LIN28B: variants seen among roughly 807,000 people sequenced by gnomAD.
LIN28B encodes lin-28 RNA binding posttranscriptional regulator B.
LIN28B carries 5 observed loss-of-function variants against 21.9 expected under a neutral mutation model. The observed-to-expected ratio is 0.23, with a 90% CI of 0.12 to 0.48. The LOEUF (loss-of-function observed/expected upper bound fraction) is 0.48, where lower values mean the gene tolerates loss of function less well. LIN28B is among the 20% of genes least tolerant of loss of function. The pLI, the probability that LIN28B is intolerant of heterozygous loss-of-function variation, is 0.98. For missense variants in LIN28B, 245 were observed against 310.5 expected, an observed-to-expected ratio of 0.79 and a Z score of 1.58; for synonymous variants, 109 against 111.3, an observed-to-expected ratio of 0.98 and a Z score of 0.13.
intron 2 of LIN28B, among the ~76,000 whole-genome samples, chr6:104,946,763 A>G (rs1224120423): frequency 6.6e-6 from 1 of 152,214 alleles, no homozygotes; most frequent in Non-Finnish European, 1.5e-5. Flanking sequence ...GACACATACT[A>G]TAGATTAATT....
At chr6:105,039,803 T>A (rs1771596536) in intron 3 of LIN28B, among the ~76,000 whole-genome samples, 1 of 152,162 alleles carries the variant, frequency 6.6e-6, no homozygotes, top group Non-Finnish European at 1.5e-5. Context: ...TTCTTCAGTT[T>A]TAACTGGTTC....
chr6:105,064,732 T>TC (rs1772187676), intron 3 of LIN28B, among the ~76,000 whole-genome samples: 1 of 152,142 alleles, frequency 6.6e-6, no homozygotes, highest in African/African-American at 2.4e-5. Flanking sequence ...ACCACACCAG[T>TC]CAGGGTATCA....
chr6:105,070,494 C>G (rs1382494205), intron 3 of LIN28B, among the ~76,000 whole-genome samples: 1 of 151,832 alleles, frequency 6.6e-6, no homozygotes, highest in Non-Finnish European at 1.5e-5. Flanking sequence ...GCCTGTAATC[C>G]TAGCACATTG....
chr6:104,957,041 A>G, upstream of LIN28B: 2 of 1,417,078 alleles, frequency 1.4e-6, no homozygotes, highest in Non-Finnish European at 1.8e-6. Flanking sequence ...GTAGCAAGAA[A>G]GCATGTAATT....
At chr6:104,953,688 G>C (rs1778249127), upstream of LIN28B, among the ~76,000 whole-genome samples, 1 of 152,110 alleles carries the variant, frequency 6.6e-6, no homozygotes, top group Admixed American at 6.5e-5. Flanking sequence ...GGAAAGCGCA[G>C]ATCTGCTGGC....
At chr6:105,064,472 C>G (rs891464602) in intron 3 of LIN28B, among the ~76,000 whole-genome samples, 4 of 152,114 alleles carry the variant, frequency 2.6e-5, no homozygotes, top group South Asian at 2.1e-4. Context: ...TAAAATAACC[C>G]TCTTAGAATC....
intron 2 of LIN28B, among the ~76,000 whole-genome samples, chr6:104,963,308 A>C (rs558736731): frequency 3.9e-5 from 6 of 152,158 alleles, no homozygotes; most frequent in Non-Finnish European, 8.8e-5. Context: ...GGCCTCCCAA[A>C]GTGCTGGGAT....
At position 105,078,638 on chromosome 6, in the gene LIN28B, C is replaced by T; in HGVS notation, c.608C>T (p.Ser203Leu). ...GTGGGAGGCGGGCATGGCTGTACAT[C>T]ACCACCGTTTCCTCAGGAGGCTAGG... Reference protein sequence around the residue: ...REVGGGHGCTSPPFPQEARAE... With the variant: ...REVGGGHGCTLPPFPQEARAE... Residue 203 changes from serine (S) to leucine (L), a missense_variant, in exon 4 of 4, where the codon TCA (serine) becomes TTA (leucine). Transcript: ENST00000345080. The T allele has an allele frequency of 1.2e-6, 2 of 1,614,052 alleles. No individual in the cohort carries two copies. Among genetic ancestry groups the T allele is most frequent in the East Asian group, 2.2e-5 (1 of 44,894 alleles).
At chr6:105,015,841 T>G (rs1295543559) in intron 2 of LIN28B, among the ~76,000 whole-genome samples, 5 of 152,154 alleles carry the variant, frequency 3.3e-5, no homozygotes, top group Non-Finnish European at 5.9e-5. Context: ...AAATATTCAG[T>G]ATATTTGTGT....
chr6:104,941,091 C>CGA, intron 2 of LIN28B: 1 of 152,162 alleles, frequency 6.6e-6, no homozygotes, highest in Non-Finnish European at 1.5e-5. Flanking sequence ...CTCGCGGTCC[C>CGA]GAGTCTGGCA....
chr6:104,954,156 C>T (rs562572315), upstream of LIN28B, among the ~76,000 whole-genome samples: 25 of 152,114 alleles, frequency 1.6e-4, no homozygotes, highest in South Asian at 5.2e-3. Flanking sequence ...TTGGCTTTTG[C>T]AGGAATAAAA....
At chr6:105,037,257 G>T (rs1391358616) in intron 3 of LIN28B, among the ~76,000 whole-genome samples, 1 of 152,016 alleles carries the variant, frequency 6.6e-6, no homozygotes, top group Non-Finnish European at 1.5e-5. Context: ...CCAAACCCCA[G>T]TAACAATCTA....
chr6:105,026,170 C>A, intron 2 of LIN28B, 128 bp from the exon 3 acceptor site: 1 of 504,124 alleles, frequency 2.0e-6, no homozygotes, highest in Non-Finnish European at 3.3e-6. Flanking sequence ...TTTCACTGAA[C>A]TTAAGACTTT....
rs575011745 is a variant in LIN28B at position 104,994,770 on chromosome 6, G to GAC, written c.199-31526_199-31525dup. ...GGCAAAGGATGAGAGGACGGTGTGA[G>GAC]ACAGTTGGTTGAAGAGGTAAGAGGG... is the stretch of plus-strand genomic sequence containing the variant. On this transcript the variant is annotated intron_variant, in intron 2 of 3. Transcript: ENST00000345080. Among the ~76,000 whole-genome samples the GAC allele has an allele frequency of 1.9e-3, 289 of 152,340 alleles. 2 individuals carry two copies. The highest frequency in any genetic ancestry group is 4.2e-3 in the Admixed American group (65 of 15,302).
rs1216199368 is a variant in LIN28B, at chr6:105,082,380, TA to T, written c.*3599del. 6.6e-6 allele frequency: 1 copy of T among 152,650 alleles called. No homozygotes were observed. The highest frequency in any genetic ancestry group is 1.5e-5 in the Non-Finnish European group (1 of 68,046). 9.5% of individuals were successfully genotyped at this position (152,650 alleles called of 1,614,324 possible). On this transcript the variant is annotated 3_prime_UTR_variant, in exon 4 of 4. Transcript: ENST00000345080. ...TATTTAGTTTGTGAATAGGAGCCCA[TA>T]AGTGTTAATAGACTTTGTAACATTC... is the stretch of plus-strand genomic sequence containing the variant.
Position 105,068,560 on chromosome 6 carries a change from G to A in LIN28B, c.384-9854G>A, listed in dbSNP as rs936834975. ...TTACTTTGGTTCCATGAGACCACAG[G>A]CTGATCCCTGCTTGTTACGCTGAAT... is the stretch of plus-strand genomic sequence containing the variant. On this transcript the variant is annotated intron_variant, in intron 3 of 3. Transcript: ENST00000345080. Among the ~76,000 whole-genome samples, 7 of 152,136 alleles carry A rather than the reference G, an allele frequency of 4.6e-5. 1 individual carries two copies. The highest frequency in any genetic ancestry group is 4.6e-4 in the Admixed American group (7 of 15,280).
intron 3 of LIN28B, among the ~76,000 whole-genome samples, chr6:105,030,813 C>T (rs1234557874): frequency 1.3e-5 from 2 of 151,940 alleles, no homozygotes; most frequent in Non-Finnish European, 2.9e-5. Flanking sequence ...CCAGGCTGGT[C>T]TCGAATCCTG....
intron 2 of LIN28B, among the ~76,000 whole-genome samples, chr6:104,992,000 G>A (rs908465649): frequency 6.8e-6 from 1 of 147,986 alleles, no homozygotes; most frequent in Admixed American, 6.8e-5. Context: ...GGAGACCGTG[G>A]AAAGAGGGAG....
chr6:105,060,418 C>T (rs1772103837), intron 3 of LIN28B, among the ~76,000 whole-genome samples: 1 of 152,150 alleles, frequency 6.6e-6, no homozygotes, highest in Admixed American at 6.5e-5. Flanking sequence ...GAGTGAGCCA[C>T]TGTGCTTGAC....
Sources: allele counts gnomAD v4.1 joint callset (sites outside exome capture counted in the v4.1 genomes callset), GRCh38; gene constraint gnomAD v4.1.1; transcripts MANE v1.5; gene names NCBI Gene and HGNC (gene_info 2026-07-23, HGNC 2026-07-21).